FHIT: variants seen among roughly 807,000 people sequenced by gnomAD.
FHIT encodes fragile histidine triad diadenosine triphosphatase.
A neutral mutation model predicts 17.9 loss-of-function variants in FHIT; 19 were observed. The ratio of observed to expected loss-of-function variants is 1.06; its 90% CI spans 0.74 to 1.56. The LOEUF (loss-of-function observed/expected upper bound fraction) is 1.56. FHIT is among the 40% of genes most tolerant of loss of function. FHIT has a pLI of 0.00. For synonymous variants in FHIT, 81 were observed against 69.7 expected (o/e 1.16, Z -0.81); for missense variants, 248 against 189.2 (o/e 1.31, Z -1.82).
In FHIT at chr3:61,145,353, C is replaced by T. The variant is rs368642076; in HGVS notation, c.-164+55264G>A. On this transcript the variant is annotated intron_variant, in intron 2 of 9. Coordinates refer to ENST00000492590, the MANE Select transcript of FHIT (RefSeq NM_002012.4). ...GTTAAAAATCAATTGACCATAAATG[C>T]GAGGGTTTATGTCTATTCTATTGAT... Among the ~76,000 whole-genome samples, 48 of 152,152 alleles carry T rather than the reference C, an allele frequency of 3.2e-4. 1 individual carries two copies. The East Asian group carries it at 6.6e-3, about 21-fold the overall frequency.
Position 60,256,764 on chromosome 3 carries a change from T to C in FHIT, c.104-242612A>G, listed in dbSNP as rs528284693. Among the ~76,000 whole-genome samples the C allele has an allele frequency of 2.0e-5, 3 of 152,332 alleles. No individual in the cohort carries two copies. The South Asian group carries it at 6.2e-4, about 32-fold the overall frequency. The stretch of plus-strand genomic sequence containing the variant: ...TTCTAATCATACATTTCAGTATGAT[T>C]GGTCAGGTGCAATAGTCTCCTAATC... On this transcript the variant is annotated intron_variant, in intron 5 of 9. Coordinates refer to ENST00000492590, the MANE Select transcript of FHIT (RefSeq NM_002012.4).
intron 5 of FHIT, among the ~76,000 whole-genome samples, chr3:60,388,685 T>A (rs1701108781): frequency 6.6e-6 from 1 of 152,214 alleles, no homozygotes; most frequent in Non-Finnish European, 1.5e-5. Flanking sequence ...CACATATATA[T>A]GCATTCATAC....
chr3:60,219,436 G>C (rs1703856453), intron 5 of FHIT, among the ~76,000 whole-genome samples: 1 of 152,116 alleles, frequency 6.6e-6, no homozygotes, highest in Admixed American at 6.5e-5. Context: ...ACATATTTAT[G>C]TTAAACAAAA....
chr3:60,564,047 A>T (rs2037047947), intron 4 of FHIT, among the ~76,000 whole-genome samples: 1 of 152,166 alleles, frequency 6.6e-6, no homozygotes, highest in Non-Finnish European at 1.5e-5. Context: ...TTCAATGAAC[A>T]AACTGAATCT....
At chr3:60,218,468 T>C (rs1703801169) in intron 5 of FHIT, among the ~76,000 whole-genome samples, 1 of 152,186 alleles carries the variant, frequency 6.6e-6, no homozygotes, top group South Asian at 2.1e-4. Context: ...AAACATAGTT[T>C]ACAGCTTTAA....
At chr3:60,546,521 C>T (rs1478453167) in intron 4 of FHIT, among the ~76,000 whole-genome samples, 1 of 152,080 alleles carries the variant, frequency 6.6e-6, no homozygotes, top group Non-Finnish European at 1.5e-5. Flanking sequence ...TGCTTTTTTA[C>T]CCACCATCCC....
chr3:60,320,031 TTA>T (rs1468781740), intron 5 of FHIT, among the ~76,000 whole-genome samples: 1 of 152,136 alleles, frequency 6.6e-6, no homozygotes, highest in East Asian at 1.9e-4. Context: ...GGATGACAAC[TTA>T]TATCTTAATT....
rs1385816 is a variant in FHIT, at chr3:59,922,400, A to G, written c.294T>C (p.His98=). 0.22 allele frequency: 355,873 copies of G among 1,611,926 alleles called. 43,675 individuals carry two copies. The highest frequency in any genetic ancestry group is 0.39 in the Admixed American group (23,570 of 59,840). Residue 98 remains histidine (H), a synonymous_variant, in exon 8 of 10, where the codon CAT becomes CAC. Coordinates refer to ENST00000492590, the MANE Select transcript of FHIT (RefSeq NM_002012.4). ...AGTCTCCAGCCTTCCTGGGAAGAAC[A>G]TGGACGTGAACGTGCTGAAAATGTA... is the stretch of plus-strand genomic sequence containing the variant. ...AGQTVKHVHV[H]VLPRKAGDFH... is the part of the protein sequence containing the mutation.
At chr3:59,821,015 C>A (rs1156247751) in intron 8 of FHIT, among the ~76,000 whole-genome samples, 1 of 152,084 alleles carries the variant, frequency 6.6e-6, no homozygotes, top group Non-Finnish European at 1.5e-5. Context: ...TAGGGACTTT[C>A]TGAATTCAAA....
rs555818335 is a variant in FHIT at position 60,233,317 on chromosome 3, C to T, written c.104-219165G>A. Among the ~76,000 whole-genome samples the T allele has an allele frequency of 5.9e-5, 9 of 152,208 alleles. 1 individual carries two copies. In the South Asian group the frequency reaches 1.7e-3, roughly 28 times the overall value. On this transcript the variant is annotated intron_variant, in intron 5 of 9. Transcript: ENST00000492590. ...AGTACCCAGCTTTGTCCATTAACTG[C>T]CAAACAGCTGTAACAGCCATCCCGT... is the stretch of plus-strand genomic sequence containing the variant.
intron 3 of FHIT, among the ~76,000 whole-genome samples, chr3:60,886,476 G>T (rs1705227024): frequency 6.6e-6 from 1 of 152,208 alleles, no homozygotes. Context: ...AATACTCATA[G>T]GGACAATGGT....
Position 60,860,855 on chromosome 3 carries a change from A to T in FHIT, c.-110-38844T>A, listed in dbSNP as rs182132832. On this transcript the variant is annotated intron_variant, in intron 3 of 9. Transcript: ENST00000492590. ...TATGTACATATATCAGGTATATATG[A>T]ACATATGTACATATATATCATGTAT... 1.0e-4 allele frequency among the ~76,000 whole-genome samples: 9 copies of T among 85,810 alleles called. 2 individuals carry two copies. Among genetic ancestry groups the T allele is most frequent in the African/African-American group, 2.7e-4 (6 of 21,852 alleles). The allele number at this position is 85,810 out of a possible 152,430, so 56.3% of individuals were successfully genotyped here.
Position 60,777,746 on chromosome 3 carries a change from T to A in FHIT, c.-18+44173A>T, listed in dbSNP as rs140214958. ...TTTCCTTGTTATGCCACAGTCAGAT[T>A]GGAAAGTAAGTCACGATATACAGGG... On this transcript the variant is annotated intron_variant, in intron 4 of 9. Transcript: ENST00000492590. Among the ~76,000 whole-genome samples the A allele has an allele frequency of 7.9e-3, 1,198 of 152,302 alleles. 17 individuals carry two copies. Among genetic ancestry groups the A allele is most frequent in the East Asian group, 0.029 (151 of 5,180 alleles).
intron 8 of FHIT, among the ~76,000 whole-genome samples, chr3:59,915,166 G>A (rs981781876): frequency 3.9e-5 from 6 of 152,064 alleles, no homozygotes; most frequent in African/African-American, 7.2e-5. Context: ...CTCCTTCACC[G>A]GCAAGCACCT....
chr3:60,704,051 A>G (rs6772346), intron 4 of FHIT, among the ~76,000 whole-genome samples: 17,714 of 152,092 alleles, frequency 0.12, 2,288 homozygotes, highest in African/African-American at 0.32. Flanking sequence ...AGGGAAGCTA[A>G]GAGGGTACAT....
chr3:60,292,777 T>C (rs1708045165), intron 5 of FHIT, among the ~76,000 whole-genome samples: 1 of 152,154 alleles, frequency 6.6e-6, no homozygotes, highest in Non-Finnish European at 1.5e-5. Context: ...AGAAAAAAAG[T>C]GTGCAACTCT....
chr3:61,148,537 T>A (rs1009599025), intron 2 of FHIT, among the ~76,000 whole-genome samples: 2 of 152,188 alleles, frequency 1.3e-5, no homozygotes, highest in Non-Finnish European at 2.9e-5. Context: ...TTGTTGTTTG[T>A]TCCTTTTTGT....
intron 5 of FHIT, among the ~76,000 whole-genome samples, chr3:60,039,881 G>C (rs1037824445): frequency 2.0e-5 from 3 of 152,272 alleles, no homozygotes; most frequent in Admixed American, 6.5e-5. Flanking sequence ...GTCCTCATCT[G>C]TGAAATGGAA....
In FHIT at chr3:60,846,036, C is replaced by T. The variant is rs115410065; in HGVS notation, c.-110-24025G>A. Among the ~76,000 whole-genome samples the T allele has an allele frequency of 2.1e-3, 320 of 152,238 alleles. 1 individual carries two copies. The highest frequency in any genetic ancestry group is 6.7e-3 in the African/African-American group (279 of 41,544). ...TTATTAAGAAAGTCATAAGCACTTA[C>T]GGCTTTATTCCTTTTCTATATAGAT... On this transcript the variant is annotated intron_variant, in intron 3 of 9. Transcript: ENST00000492590.
Sources: allele counts gnomAD v4.1 joint callset (sites outside exome capture counted in the v4.1 genomes callset), GRCh38; gene constraint gnomAD v4.1.1; transcripts MANE v1.5; gene names NCBI Gene and HGNC (gene_info 2026-07-23, HGNC 2026-07-21).